Variants in TNFAIP1 observed in about 807,000 individuals in gnomAD.
TNFAIP1 encodes TNF alpha induced protein 1.
TNFAIP1 carries 20 observed loss-of-function variants against 32.6 expected under a neutral mutation model. That is an observed-to-expected ratio of 0.61 (90% CI 0.43 to 0.89). The LOEUF is 0.89. TNFAIP1 is among the 40% of genes least tolerant of loss of function. The pLI is 0.00. For synonymous variants in TNFAIP1, 166 were observed against 166.8 expected (o/e 1.00, Z 0.04); for missense variants, 319 against 425.1 (o/e 0.75, Z 2.20).
chr17:28,341,599 GA>G, intron 5 of TNFAIP1, 143 bp downstream of exon 5: 1 of 917,964 alleles, frequency 1.1e-6, no homozygotes, highest in Non-Finnish European at 1.7e-6. Flanking sequence ...AAGTAGAAGG[GA>G]AATTGGGACA....
At chr17:28,341,721 T>A (rs1234498326) in intron 5 of TNFAIP1, among the ~76,000 whole-genome samples, 2 of 152,196 alleles carry the variant, frequency 1.3e-5, no homozygotes, top group African/African-American at 4.8e-5. Flanking sequence ...TTCACACGTG[T>A]CATCCTACCG....
At chr17:28,341,024 T>A (rs1907343832) in intron 3 of TNFAIP1, among the ~76,000 whole-genome samples, 1 of 152,222 alleles carries the variant, frequency 6.6e-6, no homozygotes, top group Non-Finnish European at 1.5e-5. Flanking sequence ...GGATTGCAGG[T>A]GTGAGCTACC....
chr17:28,340,566 T>C lies in TNFAIP1; in HGVS notation c.375+88T>C. Reference sequence around the variant, plus strand: ...ATGGAGGACTCTGGTTCCTGGCAGGTTGTGTGGGAGGCGTGGTTGATGAGT... The same window carrying C: ...ATGGAGGACTCTGGTTCCTGGCAGGCTGTGTGGGAGGCGTGGTTGATGAGT... On this transcript the variant is annotated intron_variant, in intron 3 of 6. Transcript: ENST00000226225. The surrounding 1 kb of genome is among the most constrained non-coding windows in gnomAD (Gnocchi z 4.1). 2.0e-6 allele frequency: 3 copies of C among 1,499,570 alleles called. No individual in the cohort carries two copies. Among genetic ancestry groups the C allele is most frequent in the Non-Finnish European group, 2.7e-6 (3 of 1,097,276 alleles). 92.9% of individuals were successfully genotyped at this position (1,499,570 alleles called of 1,614,324 possible). A position where few individuals can be genotyped will look rare whatever the true frequency, so the allele number is the denominator to read the frequency against.
chr17:28,339,241 G>GAAAA (rs1316145348), intron 1 of TNFAIP1, among the ~76,000 whole-genome samples, 167 bp from the exon 2 acceptor site: 1 of 82,394 alleles, frequency 1.2e-5, no homozygotes, highest in Non-Finnish European at 2.6e-5. Context: ...CTGTCTCTAA[G>GAAAA]AAAAAAAAAA....
At chr17:28,338,956 C>T (rs3093681) in intron 1 of TNFAIP1, among the ~76,000 whole-genome samples, 14,432 of 151,472 alleles carry the variant, frequency 0.095, 795 homozygotes, top group East Asian at 0.23. Context: ...GGAGGCCAGA[C>T]GCGGTGATTC....
rs1457932273 is a variant in TNFAIP1 at position 28,341,149 on chromosome 17, G to A, written c.376-88G>A. 5.8e-6 allele frequency: 8 copies of A among 1,385,864 alleles called. No individual in the cohort carries two copies. In the Admixed American group the frequency reaches 1.2e-4, roughly 20 times the overall value. The allele number at this position is 1,385,864 out of a possible 1,614,324, so 85.8% of individuals were successfully genotyped here. A position where few individuals can be genotyped will look rare whatever the true frequency, so the allele number is the denominator to read the frequency against. On this transcript the variant is annotated intron_variant, in intron 3 of 6. Coordinates refer to ENST00000226225, the MANE Select transcript of TNFAIP1 (RefSeq NM_021137.5). ...ACACTTCCTCACCAAGCAGCGGGTG[G>A]CCATGGCAGAGGGGCTCCAGAGGTA...
rs1293496624 is a variant in TNFAIP1, at chr17:28,345,093, C to G, written c.*493C>G. On this transcript the variant is annotated 3_prime_UTR_variant, in exon 7 of 7. Transcript: ENST00000226225. ...AATTCTAAATCTAGTAATGAGGAAA[C>G]TGAGCATTTCTTTTGCCCTCCAGGG... 1 of 172,292 alleles carries G rather than the reference C, an allele frequency of 5.8e-6. No individual in the cohort carries two copies. Among genetic ancestry groups the G allele is most frequent in the Non-Finnish European group, 1.3e-5 (1 of 78,004 alleles). 10.7% of individuals were successfully genotyped at this position (172,292 alleles called of 1,614,324 possible).
intron 1 of TNFAIP1, among the ~76,000 whole-genome samples, 168 bp from the exon 2 acceptor site, chr17:28,339,240 A>AG (rs1907271720): frequency 6.7e-6 from 1 of 148,592 alleles, no homozygotes; most frequent in Admixed American, 6.7e-5. Context: ...CCTGTCTCTA[A>AG]GAAAAAAAAA....
Position 28,340,126 on chromosome 17 carries a change from G to C in TNFAIP1, c.206-183G>C, listed in dbSNP as rs1232440426. Among the ~76,000 whole-genome samples the C allele has an allele frequency of 6.6e-6, 1 of 152,058 alleles. No individual in the cohort carries two copies. Among genetic ancestry groups the C allele is most frequent in the Non-Finnish European group, 1.5e-5 (1 of 68,010 alleles). ...CCAGTTCTGGGTTTCAGAGAGGAAG[G>C]GTGAAGAGCAGCCATGGGCCTGAGT... On this transcript the variant is annotated intron_variant, in intron 2 of 6. Coordinates refer to ENST00000226225, the MANE Select transcript of TNFAIP1 (RefSeq NM_021137.5). The surrounding 1 kb of genome is among the most constrained non-coding windows in gnomAD (Gnocchi z 4.1).
At chr17:28,339,289 G>T in intron 1 of TNFAIP1, 119 bp from the exon 2 acceptor site, 1 of 393,398 alleles carries the variant, frequency 2.5e-6, no homozygotes. Context: ...CTTAGCCTCT[G>T]CCAGGGAGCA....
chr17:28,338,426 A>G (rs946044287), intron 1 of TNFAIP1, among the ~76,000 whole-genome samples: 1 of 152,182 alleles, frequency 6.6e-6, no homozygotes, highest in Non-Finnish European at 1.5e-5. Flanking sequence ...AATGGTGACA[A>G]TTTCAGGAAC....
chr17:28,340,019 T>A lies in TNFAIP1; in HGVS notation c.206-290T>A, dbSNP rs975185607. Among the ~76,000 whole-genome samples the A allele has an allele frequency of 6.6e-6, 1 of 152,326 alleles. No homozygotes were observed. Among genetic ancestry groups the A allele is most frequent in the Non-Finnish European group, 1.5e-5 (1 of 68,026 alleles). On this transcript the variant is annotated intron_variant, in intron 2 of 6. Transcript: ENST00000226225. The surrounding 1 kb of genome is among the most constrained non-coding windows in gnomAD (Gnocchi z 4.1). ...AAGGCCGGCAGTGGCTGGTGGTTTC[T>A]GTGTTGGGCTGGGCCTGGTACCCTG...
At chr17:28,343,204 T>C (rs1183321540) in intron 6 of TNFAIP1, among the ~76,000 whole-genome samples, 1 of 152,132 alleles carries the variant, frequency 6.6e-6, no homozygotes, top group Non-Finnish European at 1.5e-5. Flanking sequence ...GCTGGGGGTT[T>C]CTGGCTAATC....
Position 28,340,303 on chromosome 17 carries a change from C to T in TNFAIP1, c.206-6C>T. On this transcript the variant is annotated splice_region_variant and splice_polypyrimidine_tract_variant and intron_variant, in intron 2 of 6. Coordinates refer to ENST00000226225, the MANE Select transcript of TNFAIP1 (RefSeq NM_021137.5). The surrounding 1 kb of genome is among the most constrained non-coding windows in gnomAD (Gnocchi z 4.1). ...ACTAACCCTGTAGGGCCTTCTGCAC[C>T]CCTAGGCTGGATCCTCATAGACCGT... The T allele has an allele frequency of 1.2e-6, 2 of 1,613,548 alleles. No individual in the cohort carries two copies. Among genetic ancestry groups the T allele is most frequent in the Non-Finnish European group, 1.7e-6 (2 of 1,179,686 alleles).
At position 28,344,534 on chromosome 17, in the gene TNFAIP1, C is replaced by T. The variant is rs1907477813; in HGVS notation, c.885C>T (p.Ile295=). 3 of 1,613,914 alleles carry T rather than the reference C, an allele frequency of 1.9e-6. No individual in the cohort carries two copies. The highest frequency in any genetic ancestry group is 1.1e-5 in the South Asian group (1 of 91,086). The change falls in exon 7 of 7, where the codon ATC becomes ATT. Residue 295 remains isoleucine (I), a synonymous_variant. Coordinates refer to ENST00000226225, the MANE Select transcript of TNFAIP1 (RefSeq NM_021137.5). The stretch of plus-strand genomic sequence containing the variant: ...AACTGCGGGACCGTGTCCGCCGCAT[C>T]CACGTCAAGCGCTACAGCACTTACG... ...TFELRDRVRR[I]HVKRYSTYDD...
In TNFAIP1 at chr17:28,344,850, C is replaced by T; in HGVS notation, c.*250C>T. 4 of 544,838 alleles carry T rather than the reference C, an allele frequency of 7.3e-6. No individual in the cohort carries two copies. In the South Asian group the frequency reaches 8.2e-5, roughly 11 times the overall value. The allele number at this position is 544,838 out of a possible 1,614,324, so 33.8% of individuals were successfully genotyped here. The stretch of plus-strand genomic sequence containing the variant: ...TCACCCTTCCTGCCCGACGGAGCTG[C>T]TTCTGCTCCCTGGGGCATATGGACT... On this transcript the variant is annotated 3_prime_UTR_variant, in exon 7 of 7. Coordinates refer to ENST00000226225, the MANE Select transcript of TNFAIP1 (RefSeq NM_021137.5).
rs549321540 is a variant in TNFAIP1 at position 28,346,179 on chromosome 17, A to G, written c.*1579A>G. Reference sequence around the variant, plus strand: ...ACAGGGGAAATGTGACTTTCTAATTAGGCATTTTATGTTAGTCACAGTCTT... The same window carrying G: ...ACAGGGGAAATGTGACTTTCTAATTGGGCATTTTATGTTAGTCACAGTCTT... On this transcript the variant is annotated 3_prime_UTR_variant, in exon 7 of 7. Coordinates refer to ENST00000226225, the MANE Select transcript of TNFAIP1 (RefSeq NM_021137.5). The G allele has an allele frequency of 1.3e-5, 2 of 152,326 alleles. No homozygotes were observed. Among genetic ancestry groups the G allele is most frequent in the Non-Finnish European group, 2.9e-5 (2 of 68,038 alleles). The allele number at this position is 152,326 out of a possible 1,614,324, so 9.4% of individuals were successfully genotyped here. A position where few individuals can be genotyped will look rare whatever the true frequency, so the allele number is the denominator to read the frequency against.
intron 1 of TNFAIP1, among the ~76,000 whole-genome samples, chr17:28,336,828 C>G (rs1907186379): frequency 6.6e-6 from 1 of 152,194 alleles, no homozygotes; most frequent in Non-Finnish European, 1.5e-5. Flanking sequence ...GCTGGCTGTC[C>G]ACTTCCTTGG....
At position 28,340,665 on chromosome 17, in the gene TNFAIP1, G is replaced by A. The variant is rs1047838821; in HGVS notation, c.375+187G>A. 2.0e-5 allele frequency among the ~76,000 whole-genome samples: 3 copies of A among 152,170 alleles called. No individual in the cohort carries two copies. Among genetic ancestry groups the A allele is most frequent in the Non-Finnish European group, 2.9e-5 (2 of 68,032 alleles). On this transcript the variant is annotated intron_variant, in intron 3 of 6. Transcript: ENST00000226225. This position sits in a 1 kb window ranked among gnomAD's most constrained non-coding sequence, Gnocchi z 4.1. ...CAGCCAGGTGTTCACACTTGGCAGC[G>A]TGAGTAGGCCCTGCTTCTGGTTTCT...
Sources: gnomAD v4.1 joint callset for allele counts (sites outside exome capture counted in the v4.1 genomes callset) on GRCh38, gnomAD v4.1.1 for gene constraint, Gnocchi (gnomAD v3.1) non-coding constraint, MANE v1.5 for transcripts, NCBI Gene and HGNC (gene_info 2026-07-23, HGNC 2026-07-21) for gene names.